The following TACR1 variants were observed in gnomAD, a reference collection of about 807,000 sequenced individuals.
TACR1 encodes the protein tachykinin receptor 1.
In TACR1, 25 loss-of-function variants were observed where a neutral mutation model predicts 35.8. The observed-to-expected ratio is 0.70, with a 90% CI of 0.51 to 0.98. The LOEUF (loss-of-function observed/expected upper bound fraction) is 0.98, where lower values mean the gene tolerates loss of function less well. Among genes scored for constraint, TACR1 ranks in the 50% least tolerant of loss-of-function variants. TACR1 has a pLI of 0.00. For missense variants in TACR1, 478 were observed against 522.9 expected (o/e 0.91, Z 0.84); for synonymous variants, 195 against 206.7 (o/e 0.94, Z 0.48).
chr2:75,162,122 C>T (rs1019828587), intron 1 of TACR1, among the ~76,000 whole-genome samples: 3 of 150,404 alleles, frequency 2.0e-5, no homozygotes, highest in Non-Finnish European at 3.0e-5. Flanking sequence ...TAATATCACT[C>T]AGGAGCGTAT....
chr2:75,158,841 G>C (rs1012757750), intron 1 of TACR1, among the ~76,000 whole-genome samples: 1 of 152,110 alleles, frequency 6.6e-6, no homozygotes, highest in Non-Finnish European at 1.5e-5. Flanking sequence ...GAACTCAAAC[G>C]GTCCCATGTC....
intron 1 of TACR1, among the ~76,000 whole-genome samples, chr2:75,130,172 G>T (rs1674149626): frequency 6.6e-6 from 1 of 152,052 alleles, no homozygotes. Flanking sequence ...CTTAAATTTT[G>T]CACCCCAGGC....
intron 2 of TACR1, among the ~76,000 whole-genome samples, chr2:75,115,783 T>C (rs1009594131): frequency 6.6e-6 from 1 of 151,610 alleles, no homozygotes; most frequent in Non-Finnish European, 1.5e-5. Flanking sequence ...GGCGGGTGCC[T>C]GTAGTCCCAG....
intron 1 of TACR1, among the ~76,000 whole-genome samples, chr2:75,121,473 T>A (rs1673970542): frequency 6.6e-6 from 1 of 152,194 alleles, no homozygotes; most frequent in South Asian, 2.1e-4. Context: ...GCACAGCAAA[T>A]GATGACTTCA....
chr2:75,135,013 G>A (rs1040118686), intron 1 of TACR1, among the ~76,000 whole-genome samples: 3 of 152,200 alleles, frequency 2.0e-5, no homozygotes, highest in African/African-American at 2.4e-5. Context: ...CACAGAGCAA[G>A]AGAGAAATAG....
chr2:75,136,076 C>T (rs1227980503), intron 1 of TACR1, among the ~76,000 whole-genome samples: 1 of 152,156 alleles, frequency 6.6e-6, no homozygotes, highest in African/African-American at 2.4e-5. Context: ...AAGCACCTCC[C>T]CAAGCAAGAA....
chr2:75,134,811 T>A (rs1452914468), intron 1 of TACR1, among the ~76,000 whole-genome samples: 1 of 152,232 alleles, frequency 6.6e-6, no homozygotes. Context: ...ACCAGCTGAT[T>A]AACTTAACGA....
intron 2 of TACR1, among the ~76,000 whole-genome samples, chr2:75,058,352 A>G (rs75924209): frequency 0.013 from 2,038 of 152,364 alleles, 32 homozygotes; most frequent in African/African-American, 0.045. Context: ...GAGCTGGTCA[A>G]TGAGCCAGCA....
At chr2:75,104,454 A>G (rs2103877235) in intron 2 of TACR1, among the ~76,000 whole-genome samples, 1 of 152,180 alleles carries the variant, frequency 6.6e-6, no homozygotes, top group South Asian at 2.1e-4. Flanking sequence ...GACTTTAATA[A>G]GCCACTTCAA....
chr2:75,113,532 C>CA (rs1673791802), intron 2 of TACR1, among the ~76,000 whole-genome samples: 1 of 92,082 alleles, frequency 1.1e-5, no homozygotes, highest in Non-Finnish European at 2.0e-5. Flanking sequence ...TTTCTTCTTC[C>CA]TTTTTTTTTT....
At chr2:75,176,324 C>T (rs139650910) in intron 1 of TACR1, among the ~76,000 whole-genome samples, 102 of 148,314 alleles carry the variant, frequency 6.9e-4, no homozygotes, top group African/African-American at 2.5e-3. Context: ...AGACATTATA[C>T]ATTTTTTTTT....
At chr2:75,068,989 C>G (rs1672823094) in intron 2 of TACR1, among the ~76,000 whole-genome samples, 1 of 152,198 alleles carries the variant, frequency 6.6e-6, no homozygotes, top group South Asian at 2.1e-4. Context: ...CCATAATTCC[C>G]ACTTGTCATG....
intron 1 of TACR1, among the ~76,000 whole-genome samples, chr2:75,121,886 CAA>C (rs1271022498): frequency 3.9e-5 from 6 of 152,188 alleles, no homozygotes; most frequent in African/African-American, 1.2e-4. Flanking sequence ...CAAAAATCTG[CAA>C]AGAGTAGCAG....
At chr2:75,185,361 GA>G (rs1448237101) in intron 1 of TACR1, among the ~76,000 whole-genome samples, 1 of 151,772 alleles carries the variant, frequency 6.6e-6, no homozygotes, top group Non-Finnish European at 1.5e-5. Context: ...AAGCACAAAA[GA>G]AAAGGCAGAT....
At chr2:75,175,193 G>T (rs1385656067) in intron 1 of TACR1, among the ~76,000 whole-genome samples, 13 of 152,154 alleles carry the variant, frequency 8.5e-5, no homozygotes, top group Admixed American at 8.5e-4. Context: ...CAATGACTCA[G>T]GGGAGCTCCT....
intron 2 of TACR1, among the ~76,000 whole-genome samples, chr2:75,095,869 G>A (rs1309093640): frequency 6.6e-6 from 1 of 152,140 alleles, no homozygotes; most frequent in Non-Finnish European, 1.5e-5. Context: ...CTACAAGATG[G>A]CAGAGCCTCC....
At chr2:75,185,332 A>C (rs1161215857) in intron 1 of TACR1, among the ~76,000 whole-genome samples, 4 of 152,046 alleles carry the variant, frequency 2.6e-5, no homozygotes, top group African/African-American at 9.6e-5. Flanking sequence ...AGGTCTTTTT[A>C]TGCATAATAA....
At chr2:75,152,487 C>T (rs1283815679) in intron 1 of TACR1, among the ~76,000 whole-genome samples, 1 of 152,146 alleles carries the variant, frequency 6.6e-6, no homozygotes, top group Non-Finnish European at 1.5e-5. Flanking sequence ...TTCACCTCCC[C>T]CCATGATCCT....
Position 75,083,765 on chromosome 2 carries a change from C to T in TACR1, c.585-30010G>A, listed in dbSNP as rs933698579. On this transcript the variant is annotated intron_variant, in intron 2 of 4. Transcript: ENST00000305249. ...TGTATAAGAATGCTTGTGATTTTTG[C>T]ACATTGATTTTGCATCCTGAGACTT... 1.6e-3 allele frequency among the ~76,000 whole-genome samples: 239 copies of T among 152,214 alleles called. 3 individuals carry two copies. Among genetic ancestry groups the T allele is most frequent in the African/African-American group, 5.6e-3 (232 of 41,508 alleles).
Sources: allele counts gnomAD v4.1 joint callset (sites outside exome capture counted in the v4.1 genomes callset), GRCh38; gene constraint gnomAD v4.1.1; transcripts MANE v1.5; gene names NCBI Gene and HGNC (gene_info 2026-07-23, HGNC 2026-07-21).